Variants in PRPF19 observed in about 807,000 individuals in gnomAD.
PRPF19 encodes the protein pre-mRNA-processing factor 19.
PRPF19 carries 2 observed loss-of-function variants against 64.2 expected under a neutral mutation model. The observed-to-expected ratio is 0.03, with a 90% CI of 0.01 to 0.10. The LOEUF is 0.10. Ranked by LOEUF, PRPF19 falls within the 10% of genes least tolerant of loss-of-function variation. The pLI is 1.00. For missense variants in PRPF19, 314 were observed against 650.0 expected, an observed-to-expected ratio of 0.48 and a Z score of 5.62; for synonymous variants, 226 against 251.6, an observed-to-expected ratio of 0.90 and a Z score of 0.96.
At chr11:60,892,055 C>T (rs915022650) in intron 15 of PRPF19, among the ~76,000 whole-genome samples, 3 of 152,166 alleles carry the variant, frequency 2.0e-5, no homozygotes, top group Non-Finnish European at 4.4e-5. Flanking sequence ...CATCAGGCAC[C>T]CTGTTACCAG....
Position 60,890,761 on chromosome 11 carries a change from C to G in PRPF19, c.*405G>C. The G allele has an allele frequency of 2.2e-6, 1 of 458,940 alleles. No individual in the cohort carries two copies. The highest frequency in any genetic ancestry group is 1.5e-5 in the South Asian group (1 of 64,566). The allele number at this position is 458,940 out of a possible 1,614,324, so 28.4% of individuals were successfully genotyped here. A position where few individuals can be genotyped will look rare whatever the true frequency, so the allele number is the denominator to read the frequency against. On this transcript the variant is annotated 3_prime_UTR_variant, in exon 16 of 16. Coordinates refer to ENST00000227524, the MANE Select transcript of PRPF19 (RefSeq NM_014502.5). ...TTTTCTTTTTTTAATGAAACTAGAT[C>G]ACTGCTTACAAAACCCTGCACAAGC... is the stretch of plus-strand genomic sequence containing the variant.
intron 3 of PRPF19, 139 bp downstream of exon 3, chr11:60,903,320 C>T: frequency 2.1e-6 from 2 of 951,870 alleles, no homozygotes; most frequent in Non-Finnish European, 3.1e-6. Flanking sequence ...GCTGGGGATA[C>T]AACGAAGAAT....
At chr11:60,901,792 G>A (rs1281388229) in intron 6 of PRPF19, among the ~76,000 whole-genome samples, 1 of 152,194 alleles carries the variant, frequency 6.6e-6, no homozygotes, top group Non-Finnish European at 1.5e-5. Flanking sequence ...AGGTCGCAGA[G>A]GTGATAAACA....
At chr11:60,893,503 C>CAAA (rs59906637) in intron 15 of PRPF19, among the ~76,000 whole-genome samples, 5 of 141,132 alleles carry the variant, frequency 3.5e-5, no homozygotes, top group East Asian at 2.1e-4. Flanking sequence ...GACTCAATCT[C>CAAA]AAAAAAAAAA....
intron 10 of PRPF19, among the ~76,000 whole-genome samples, chr11:60,900,369 G>A (rs188157341): frequency 1.1e-4 from 16 of 152,236 alleles, no homozygotes; most frequent in African/African-American, 3.6e-4. Flanking sequence ...ACACATTTCC[G>A]TTCTCTCCCT....
chr11:60,901,404 A>C (rs760498208), intron 7 of PRPF19, 35 bp from the exon 8 acceptor site: 34 of 1,613,898 alleles, frequency 2.1e-5, no homozygotes, highest in Non-Finnish European at 2.8e-5. Flanking sequence ...GAAGAGCAGC[A>C]ATGAATCCAA....
At chr11:60,906,331 T>C in intron 1 of PRPF19, 33 bp downstream of exon 1, 7 of 1,593,450 alleles carry the variant, frequency 4.4e-6, no homozygotes, top group Non-Finnish European at 5.1e-6. Flanking sequence ...TCTGGCCTCC[T>C]GAGACCCGCG....
At chr11:60,900,963 C>T (rs1183897790) in intron 8 of PRPF19, 34 bp from the exon 9 acceptor site, 13 of 1,611,998 alleles carry the variant, frequency 8.1e-6, no homozygotes, top group Non-Finnish European at 9.3e-6. Flanking sequence ...CCTGTCACGG[C>T]CAAATCACAG....
Position 60,891,253 on chromosome 11 carries a change from G to A in PRPF19, c.1428C>T (p.Gly476=). Residue 476 remains glycine, a synonymous_variant, in exon 16 of 16, where the codon GGC becomes GGT. Transcript: ENST00000227524. ...GCCCGAAGGCCACCCCTGTGGTCAGGCCGCTATGCTCTGAGGAGAAAGATA... is the reference window on the plus strand; with the variant it reads ...GCCCGAAGGCCACCCCTGTGGTCAGACCGCTATGCTCTGAGGAGAAAGATA... ...TEILHFTEHS[G]LTTGVAFGHH... is the part of the protein sequence containing the mutation. 3 of 1,613,522 alleles carry A rather than the reference G, an allele frequency of 1.9e-6. No individual in the cohort carries two copies. The highest frequency in any genetic ancestry group is 1.7e-6 in the Non-Finnish European group (2 of 1,179,850).
chr11:60,905,859 C>T (rs932246167), intron 1 of PRPF19, among the ~76,000 whole-genome samples: 1 of 152,238 alleles, frequency 6.6e-6, no homozygotes, highest in Admixed American at 6.5e-5. Flanking sequence ...ACCTGGCTGC[C>T]AGCCTTGCCT....
At chr11:60,901,173 C>A in intron 8 of PRPF19, 122 bp downstream of exon 8, 1 of 1,154,746 alleles carries the variant, frequency 8.7e-7, no homozygotes. Context: ...CGAGAAACAG[C>A]ACCAGGAACA....
chr11:60,899,208 C>G lies in PRPF19; in HGVS notation c.925G>C (p.Val309Leu), dbSNP rs778985202. 3.7e-6 allele frequency: 6 copies of G among 1,613,974 alleles called. No individual in the cohort carries two copies. In the Admixed American group the frequency reaches 6.7e-5, roughly 18 times the overall value. ...GTGGCATGAAGGCTGAGGCCTGTCA[C>G]AGCACTCTCATGGGCCCGAACCACC... ...VQVVRAHESA[V>L]TGLSLHATGD... Residue 309 changes from valine to leucine, a missense_variant, in exon 11 of 16, where the codon GTG becomes CTG. Physicochemically the swap from Val to Leu is conservative, Grantham distance 32 (BLOSUM62 1). Around this residue, in one of 7 missense-constraint regions of PRPF19, gnomAD observed 175 missense variants for 342.9 expected, o/e 0.51. Coordinates refer to ENST00000227524, the MANE Select transcript of PRPF19 (RefSeq NM_014502.5).
At chr11:60,897,153 G>C (rs925489684) in intron 15 of PRPF19, among the ~76,000 whole-genome samples, 4 of 152,134 alleles carry the variant, frequency 2.6e-5, no homozygotes, top group African/African-American at 9.7e-5. Context: ...CACTATACCA[G>C]TGTACCATTT....
At position 60,891,494 on chromosome 11, in the gene PRPF19, C is replaced by A. The variant is rs544835276; in HGVS notation, c.1418-231G>T. On this transcript the variant is annotated intron_variant, in intron 15 of 15. Coordinates refer to ENST00000227524, the MANE Select transcript of PRPF19 (RefSeq NM_014502.5). ...AATGAATAAAGCAATGCCAGCCCCC[C>A]CTTCTCACCTGAGCTTTCTGGGCAA... 1.6e-4 allele frequency among the ~76,000 whole-genome samples: 25 copies of A among 152,320 alleles called. 1 individual carries two copies. The South Asian group carries it at 2.9e-3, about 18-fold the overall frequency.
chr11:60,905,980 C>G (rs1319172871), intron 1 of PRPF19, among the ~76,000 whole-genome samples: 1 of 152,194 alleles, frequency 6.6e-6, no homozygotes, highest in Non-Finnish European at 1.5e-5. Flanking sequence ...ATGGGGAAAC[C>G]GAGGCCCAGA....
rs1424451027 is a variant in PRPF19 at position 60,902,363 on chromosome 11, G to C, written c.525+40C>G. The C allele has an allele frequency of 2.5e-6, 4 of 1,584,778 alleles. No individual in the cohort carries two copies. The South Asian group carries it at 4.4e-5, about 18-fold the overall frequency. Reference sequence around the variant, plus strand: ...ACTCCAGACAGATGGTGAAAAGTAAGGGCCCATCAGCACTCCCACCAGGTG... The same window carrying C: ...ACTCCAGACAGATGGTGAAAAGTAACGGCCCATCAGCACTCCCACCAGGTG... On this transcript the variant is annotated intron_variant, in intron 6 of 15. Coordinates refer to ENST00000227524, the MANE Select transcript of PRPF19 (RefSeq NM_014502.5). The surrounding 1 kb of genome is among the most constrained non-coding windows in gnomAD (Gnocchi z 5.0).
chr11:60,903,013 C>T (rs958911623), intron 3 of PRPF19, 132 bp from the exon 4 acceptor site: 5 of 1,406,484 alleles, frequency 3.6e-6, no homozygotes, highest in Middle Eastern at 2.5e-4. Context: ...AAACAATATC[C>T]GAGCAAACAC....
Position 60,900,568 on chromosome 11 carries a change from G to T in PRPF19, c.828+14C>A. 6.5e-7 allele frequency: 1 copy of T among 1,530,630 alleles called. No individual in the cohort carries two copies. The highest frequency in any genetic ancestry group is 8.9e-7 in the Non-Finnish European group (1 of 1,128,276). The allele number at this position is 1,530,630 out of a possible 1,614,324, so 94.8% of individuals were successfully genotyped here. On this transcript the variant is annotated intron_variant, in intron 10 of 15. Coordinates refer to ENST00000227524, the MANE Select transcript of PRPF19 (RefSeq NM_014502.5). ...AGGAAAGAAGAACCAAGGGTGGCGA[G>T]GAGAACCCCTTACCTGGGAAGGGTG...
chr11:60,893,058 G>T (rs1283576686), intron 15 of PRPF19, among the ~76,000 whole-genome samples: 6 of 151,996 alleles, frequency 3.9e-5, no homozygotes, highest in Admixed American at 1.3e-4. Context: ...CACAAACACT[G>T]GTCCCATAAG....
Sources: allele counts gnomAD v4.1 joint callset (sites outside exome capture counted in the v4.1 genomes callset), GRCh38; gene constraint gnomAD v4.1.1; regional missense constraint gnomAD v4.1.1; non-coding constraint Gnocchi (gnomAD v3.1); transcripts MANE v1.5; gene names NCBI Gene and HGNC (gene_info 2026-07-23, HGNC 2026-07-21).